Variants in MYO5C observed in about 807,000 individuals in gnomAD.
The protein encoded by MYO5C is myosin VC, also known as unconventional myosin-Vc.
MYO5C carries 194 observed loss-of-function variants against 235.7 expected under a neutral mutation model. That is an observed-to-expected ratio of 0.82 (90% CI 0.73 to 0.93). The LOEUF (loss-of-function observed/expected upper bound fraction) is 0.93. Ranked by LOEUF, MYO5C falls within the 40% of genes least tolerant of loss-of-function variation. The pLI is 0.00. For missense variants in MYO5C, 2,038 were observed against 2,127.2 expected (o/e 0.96, Z 0.82); for synonymous variants, 707 against 754.8 (o/e 0.94, Z 1.04).
At chr15:52,271,699 A>C in intron 7 of MYO5C, 64 bp downstream of exon 7, 1 of 918,898 alleles carries the variant, frequency 1.1e-6, no homozygotes, top group Non-Finnish European at 1.6e-6. Context: ...ATAAGAAGAA[A>C]GTTAACCTAG....
chr15:52,236,249 T>A (rs2036082527), intron 22 of MYO5C, among the ~76,000 whole-genome samples: 1 of 152,262 alleles, frequency 6.6e-6, no homozygotes, highest in African/African-American at 2.4e-5. Flanking sequence ...CCCGTGGTGC[T>A]GACTGATGGT....
chr15:52,263,773 C>A (rs889390162), intron 9 of MYO5C, among the ~76,000 whole-genome samples: 1 of 152,158 alleles, frequency 6.6e-6, no homozygotes, highest in African/African-American at 2.4e-5. Flanking sequence ...CTGCATGCCC[C>A]CTCTGCTTTA....
intron 25 of MYO5C, among the ~76,000 whole-genome samples, 185 bp from the exon 26 acceptor site, chr15:52,225,717 T>A (rs1404965091): frequency 6.6e-6 from 1 of 152,182 alleles, no homozygotes; most frequent in Non-Finnish European, 1.5e-5. Flanking sequence ...CATGCTTAAC[T>A]ACTCAAAATG....
At chr15:52,216,212 T>TAG (rs1566965119) in intron 32 of MYO5C, among the ~76,000 whole-genome samples, 6 of 151,968 alleles carry the variant, frequency 3.9e-5, no homozygotes, top group South Asian at 2.1e-4. Context: ...ATTATTATTA[T>TAG]TATTAGTAGT....
At chr15:52,195,620 A>T (rs2035029815) in intron 39 of MYO5C, among the ~76,000 whole-genome samples, 163 bp from the exon 40 acceptor site, 1 of 152,182 alleles carries the variant, frequency 6.6e-6, no homozygotes. Flanking sequence ...AAAAGAAAAC[A>T]AGGGGAGAAA....
intron 11 of MYO5C, among the ~76,000 whole-genome samples, chr15:52,253,705 C>A (rs1173496819): frequency 3.3e-5 from 5 of 152,236 alleles, no homozygotes; most frequent in Non-Finnish European, 5.9e-5. Context: ...CTTGGGCCAG[C>A]CTGTGTCACC....
At chr15:52,248,469 C>T (rs2036400938) in intron 14 of MYO5C, among the ~76,000 whole-genome samples, 1 of 152,172 alleles carries the variant, frequency 6.6e-6, no homozygotes, top group Admixed American at 6.6e-5. Context: ...TTCAATGGTT[C>T]TATTAGCTGT....
At chr15:52,274,091 G>A (rs2036985276) in intron 5 of MYO5C, among the ~76,000 whole-genome samples, 1 of 151,958 alleles carries the variant, frequency 6.6e-6, no homozygotes, top group African/African-American at 2.4e-5. Flanking sequence ...GTTTCTAGAT[G>A]ACCCAGGTCA....
chr15:52,272,525 T>C, intron 6 of MYO5C, 55 bp downstream of exon 6: 16 of 1,555,506 alleles, frequency 1.0e-5, no homozygotes, highest in Non-Finnish European at 1.3e-5. Context: ...GTATAATAAG[T>C]ATGTAAATGT....
chr15:52,233,716 T>C (rs1264851882), intron 23 of MYO5C, among the ~76,000 whole-genome samples: 4 of 152,188 alleles, frequency 2.6e-5, no homozygotes, highest in African/African-American at 9.7e-5. Flanking sequence ...GGACGTTCCA[T>C]GGCTATGACA....
intron 31 of MYO5C, 40 bp from the exon 32 acceptor site, chr15:52,218,727 G>T (rs371657229): frequency 1.9e-6 from 3 of 1,599,074 alleles, no homozygotes; most frequent in South Asian, 1.1e-5. Flanking sequence ...TCAGTATGAC[G>T]GTCATGGAGA....
At chr15:52,210,560 C>T (rs755924128) in intron 35 of MYO5C, among the ~76,000 whole-genome samples, 4 of 152,250 alleles carry the variant, frequency 2.6e-5, no homozygotes, top group Non-Finnish European at 5.9e-5. Flanking sequence ...TGTACTAACT[C>T]CACTGTGGCT....
chr15:52,278,387 G>A (rs2140855540), intron 4 of MYO5C, among the ~76,000 whole-genome samples: 1 of 152,200 alleles, frequency 6.6e-6, no homozygotes, highest in Non-Finnish European at 1.5e-5. Context: ...ATTCACAGGA[G>A]GCTTTTCATA....
chr15:52,250,641 G>T (rs2036451990), intron 13 of MYO5C, among the ~76,000 whole-genome samples: 1 of 152,162 alleles, frequency 6.6e-6, no homozygotes, highest in African/African-American at 2.4e-5. Context: ...CAGTCACTCG[G>T]GAATGACCAG....
chr15:52,280,251 G>T (rs1280243497), intron 2 of MYO5C, among the ~76,000 whole-genome samples: 1 of 152,206 alleles, frequency 6.6e-6, no homozygotes, highest in Non-Finnish European at 1.5e-5. Context: ...TGGTGCAGGT[G>T]TCTCCTGTCT....
chr15:52,262,768 G>A (rs558837735), intron 9 of MYO5C, among the ~76,000 whole-genome samples: 6 of 152,322 alleles, frequency 3.9e-5, no homozygotes, highest in East Asian at 1.9e-4. Context: ...AGAACTCACC[G>A]GTTACACAAA....
Position 52,279,657 on chromosome 15 carries a change from G to C in MYO5C, c.156C>G (p.Val52=), listed in dbSNP as rs1185391371. 1 of 1,612,994 alleles carries C rather than the reference G, an allele frequency of 6.2e-7. No homozygotes were observed. The highest frequency in any genetic ancestry group is 8.5e-7 in the Non-Finnish European group (1 of 1,179,016). The change falls in exon 3 of 41, where the codon GTC becomes GTG. Residue 52 remains valine (V), a synonymous_variant. Transcript: ENST00000261839. ...LEDGTELDYS[V]NPESLPPLRN... is the part of the protein sequence containing the mutation. Reference sequence around the variant, plus strand: ...GAAGTGGAGGCAGAGATTCTGGATTGACAGAATAATCCAGCTCCTATGGAC... The same window carrying C: ...GAAGTGGAGGCAGAGATTCTGGATTCACAGAATAATCCAGCTCCTATGGAC...
chr15:52,295,509 G>C, intron 1 of MYO5C, 101 bp downstream of exon 1: 2 of 1,356,542 alleles, frequency 1.5e-6, no homozygotes, highest in Non-Finnish European at 9.8e-7. Context: ...GCCGTGTCAG[G>C]TGCGCAGGTG....
chr15:52,257,825 C>T (rs535032726), intron 10 of MYO5C, among the ~76,000 whole-genome samples: 55 of 152,318 alleles, frequency 3.6e-4, no homozygotes, highest in African/African-American at 1.2e-3. Flanking sequence ...AGGTTCCTGC[C>T]GGCTCCTATC....
Sources: gnomAD v4.1 joint callset for allele counts (sites outside exome capture counted in the v4.1 genomes callset) on GRCh38, gnomAD v4.1.1 for gene constraint, MANE v1.5 for transcripts, NCBI Gene and HGNC (gene_info 2026-07-23, HGNC 2026-07-21) for gene names.